Variants in PRKN observed in about 807,000 individuals in gnomAD.
The protein encoded by PRKN is parkin RBR E3 ubiquitin protein ligase, also known as E3 ubiquitin-protein ligase parkin.
A neutral mutation model predicts 59.5 loss-of-function variants in PRKN; 56 were observed. The observed-to-expected ratio is 0.94, with a 90% CI of 0.76 to 1.18. The LOEUF (loss-of-function observed/expected upper bound fraction) is 1.18, where lower values mean the gene tolerates loss of function less well. PRKN is among the 50% of genes most tolerant of loss of function. PRKN has a pLI of 0.00. For missense variants in PRKN, 657 were observed against 596.4 expected (o/e 1.10, Z -1.06); for synonymous variants, 250 against 222.1 (o/e 1.13, Z -1.12).
chr6:161,774,433 C>CAA (rs71004065), intron 7 of PRKN, among the ~76,000 whole-genome samples: 2 of 146,158 alleles, frequency 1.4e-5, no homozygotes, highest in Non-Finnish European at 3.0e-5. Context: ...CACACACACA[C>CAA]GGCGTGGCTA....
At chr6:162,469,349 C>CGGGGGGGG (rs1562787728) in intron 1 of PRKN, among the ~76,000 whole-genome samples, 1 of 57,790 alleles carries the variant, frequency 1.7e-5, no homozygotes, top group Non-Finnish European at 3.3e-5. Context: ...GGGGGGGTTG[C>CGGGGGGGG]AGGGGGGGGT....
intron 2 of PRKN, among the ~76,000 whole-genome samples, chr6:162,357,263 C>A (rs951521996): frequency 6.6e-6 from 1 of 152,096 alleles, no homozygotes; most frequent in South Asian, 2.1e-4. Context: ...ACAAAGAAGT[C>A]TTGCAACTCA....
At chr6:162,069,083 A>G (rs1320311581) in intron 4 of PRKN, among the ~76,000 whole-genome samples, 1 of 152,108 alleles carries the variant, frequency 6.6e-6, no homozygotes, top group African/African-American at 2.4e-5. Flanking sequence ...GGGAGATGAT[A>G]TGGTTTGGCT....
intron 7 of PRKN, among the ~76,000 whole-genome samples, chr6:161,661,555 A>AT (rs35251080): frequency 0.31 from 46,123 of 148,382 alleles, 7,864 homozygotes; most frequent in African/African-American, 0.46. Context: ...ACCTGCTTCC[A>AT]TTTTTTTTTT....
intron 10 of PRKN, among the ~76,000 whole-genome samples, chr6:161,366,961 T>G (rs1785225620): frequency 6.6e-6 from 1 of 151,322 alleles, no homozygotes; most frequent in African/African-American, 2.4e-5. Flanking sequence ...TGTCTGAAGT[T>G]TTTTGGGGTT....
intron 6 of PRKN, among the ~76,000 whole-genome samples, chr6:161,884,482 G>A (rs550488210): frequency 3.3e-5 from 5 of 152,228 alleles, no homozygotes; most frequent in African/African-American, 4.8e-5. Flanking sequence ...AATATAATTC[G>A]ACTCAAGTGC....
intron 1 of PRKN, among the ~76,000 whole-genome samples, chr6:162,482,916 G>T (rs1792371134): frequency 7.2e-6 from 1 of 139,254 alleles, no homozygotes; most frequent in Admixed American, 7.3e-5. Flanking sequence ...CCGGCCTGAG[G>T]GTATGCACTG....
At chr6:162,243,332 T>G (rs2023068) in intron 3 of PRKN, among the ~76,000 whole-genome samples, 41,449 of 152,018 alleles carry the variant, frequency 0.27, 6,528 homozygotes, top group East Asian at 0.66. Flanking sequence ...AGCCATCAAA[T>G]TACATTCAAG....
chr6:162,550,454 C>T lies in PRKN; in HGVS notation c.8-106981G>A, dbSNP rs147018275. 3.6e-3 allele frequency among the ~76,000 whole-genome samples: 543 copies of T among 152,170 alleles called. 4 individuals carry two copies. The highest frequency in any genetic ancestry group is 6.1e-3 in the Non-Finnish European group (417 of 68,008). The stretch of plus-strand genomic sequence containing the variant: ...CTAGAGACACTTCTCAGAGTTGTCC[C>T]GTTTGGGGGATGGGCAGATGATGAG... On this transcript the variant is annotated intron_variant, in intron 1 of 11. Coordinates refer to ENST00000366898, the MANE Select transcript of PRKN (RefSeq NM_004562.3).
In PRKN at chr6:161,881,935, C is replaced by T. The variant is rs117351309; in HGVS notation, c.734+91367G>A. On this transcript the variant is annotated intron_variant, in intron 6 of 11. Coordinates refer to ENST00000366898, the MANE Select transcript of PRKN (RefSeq NM_004562.3). Reference sequence around the variant, plus strand: ...TGGCCAGCTAGGACAGGCACCATGGCAGAGTGGGAAACTGAAACTGCCACC... The same window carrying T: ...TGGCCAGCTAGGACAGGCACCATGGTAGAGTGGGAAACTGAAACTGCCACC... Among the ~76,000 whole-genome samples the T allele has an allele frequency of 2.5e-3, 385 of 152,190 alleles. 3 individuals are homozygous for T. The highest frequency in any genetic ancestry group is 0.01 in the Middle Eastern group (3 of 294).
intron 9 of PRKN, among the ~76,000 whole-genome samples, chr6:161,424,987 A>C (rs1332809586): frequency 6.6e-6 from 1 of 152,190 alleles, no homozygotes; most frequent in Non-Finnish European, 1.5e-5. Context: ...GAAACACTTA[A>C]GAAAGTACTC....
At chr6:162,676,353 CA>C (rs113550545) in intron 1 of PRKN, among the ~76,000 whole-genome samples, 60 of 148,038 alleles carry the variant, frequency 4.1e-4, no homozygotes, top group African/African-American at 1.3e-3. Flanking sequence ...TTGGAAATAT[CA>C]AAAAAAAAAT....
chr6:162,359,058 GCAA>G (rs1327575319), intron 2 of PRKN, among the ~76,000 whole-genome samples: 1 of 41,060 alleles, frequency 2.4e-5, no homozygotes, highest in African/African-American at 2.2e-4. Flanking sequence ...ACACACTGTG[GCAA>G]AAAAAAAAAA....
chr6:161,513,470 G>A (rs902520680), intron 9 of PRKN, among the ~76,000 whole-genome samples: 2 of 51,806 alleles, frequency 3.9e-5, no homozygotes, highest in Non-Finnish European at 8.4e-5. Flanking sequence ...TCGATCTCCT[G>A]ACCTCGTTCG....
At chr6:162,136,050 GA>G (rs1781551077) in intron 4 of PRKN, among the ~76,000 whole-genome samples, 1 of 150,788 alleles carries the variant, frequency 6.6e-6, no homozygotes, top group Non-Finnish European at 1.5e-5. Context: ...TATATTTTAG[GA>G]AAGAAACATG....
chr6:162,154,077 T>C (rs1782393155), intron 4 of PRKN, among the ~76,000 whole-genome samples: 1 of 152,148 alleles, frequency 6.6e-6, no homozygotes. Context: ...CTCTGCCTCC[T>C]GTCTCCATCA....
intron 4 of PRKN, among the ~76,000 whole-genome samples, chr6:162,155,230 C>T (rs1044018523): frequency 1.3e-5 from 2 of 151,930 alleles, no homozygotes; most frequent in Admixed American, 6.6e-5. Context: ...TTAATACTTT[C>T]TTCTGCATCT....
Position 161,579,773 on chromosome 6 carries a change from G to T in PRKN, c.872-10357C>A, listed in dbSNP as rs1415746098. Among the ~76,000 whole-genome samples, 1 of 152,130 alleles carries T rather than the reference G, an allele frequency of 6.6e-6. No homozygotes were observed. Among genetic ancestry groups the T allele is most frequent in the African/African-American group, 2.4e-5 (1 of 41,422 alleles). On this transcript the variant is annotated intron_variant, in intron 7 of 11. Transcript: ENST00000366898. The surrounding 1 kb of genome is among the most constrained non-coding windows in gnomAD (Gnocchi z 4.2). ...GCAGGGGAACAGAAAAGAGTTTATAGTTTTACAAGTACTTAATGGTATTTT... is the reference window on the plus strand; with the variant it reads ...GCAGGGGAACAGAAAAGAGTTTATATTTTTACAAGTACTTAATGGTATTTT...
At chr6:161,791,087 G>A (rs1022924447) in intron 6 of PRKN, among the ~76,000 whole-genome samples, 7 of 152,072 alleles carry the variant, frequency 4.6e-5, no homozygotes, top group South Asian at 2.1e-4. Context: ...TTAATTGATC[G>A]ATCCAGAGAT....
Sources: allele counts gnomAD v4.1 joint callset (sites outside exome capture counted in the v4.1 genomes callset), GRCh38; gene constraint gnomAD v4.1.1; non-coding constraint Gnocchi (gnomAD v3.1); transcripts MANE v1.5; gene names NCBI Gene and HGNC (gene_info 2026-07-23, HGNC 2026-07-21).